The following MED1 variants were observed in gnomAD, a reference collection of about 807,000 sequenced individuals.
MED1 encodes the protein mediator of RNA polymerase II transcription subunit 1.
MED1 carries 17 observed loss-of-function variants against 121.3 expected under a neutral mutation model. That is an observed-to-expected ratio of 0.14 (90% CI 0.10 to 0.21). The LOEUF is 0.21. MED1 is among the 10% of genes least tolerant of loss of function. The pLI is 1.00. For missense variants in MED1, 1,558 were observed against 1,919.4 expected (o/e 0.81, Z 3.52); for synonymous variants, 661 against 694.4 (o/e 0.95, Z 0.76).
intron 9 of MED1, among the ~76,000 whole-genome samples, chr17:39,430,861 T>C (rs1051605009): frequency 9.3e-5 from 14 of 151,258 alleles, no homozygotes; most frequent in African/African-American, 3.4e-4. Flanking sequence ...CTACCAACAA[T>C]AGAATAAATT....
rs1031414649 is a variant in MED1 at position 39,404,380 on chromosome 17, C to A, written c.*3095G>T. ...TCCCACAACAGATTTCATCTACTTTCAAAAAAATGAAAAACCCCAAAGTAT... is the reference window on the plus strand; with the variant it reads ...TCCCACAACAGATTTCATCTACTTTAAAAAAAATGAAAAACCCCAAAGTAT... On this transcript the variant is annotated 3_prime_UTR_variant, in exon 17 of 17. Transcript: ENST00000300651. 2.0e-5 allele frequency: 3 copies of A among 151,940 alleles called. No individual in the cohort carries two copies. The highest frequency in any genetic ancestry group is 7.3e-5 in the African/African-American group (3 of 41,316). 9.4% of individuals were successfully genotyped at this position (151,940 alleles called of 1,614,324 possible). A position where few individuals can be genotyped will look rare whatever the true frequency, so the allele number is the denominator to read the frequency against.
At position 39,443,557 on chromosome 17, in the gene MED1, A is replaced by G; in HGVS notation, c.204T>C (p.Ala68=). The G allele has an allele frequency of 6.2e-7, 1 of 1,613,088 alleles. No individual in the cohort carries two copies. The highest frequency in any genetic ancestry group is 1.1e-5 in the South Asian group (1 of 91,060). ...LVSCLETLQK[A]LKVTSLPAMT... ...TCAAAAGTGTTCACAAACCTTTGAG[A>G]GCCTTCTGCAATGTCTCCAAACAGC... The change falls in exon 3 of 17, where the codon GCT becomes GCC. Residue 68 remains alanine (A), a synonymous_variant. Transcript: ENST00000300651.
At chr17:39,443,720 A>G (rs2048700398) in intron 2 of MED1, 92 bp from the exon 3 acceptor site, 1 of 1,007,696 alleles carries the variant, frequency 9.9e-7, no homozygotes, top group Middle Eastern at 2.1e-4. Context: ...GTAATATTGC[A>G]GGACAGTCTA....
intron 2 of MED1, among the ~76,000 whole-genome samples, chr17:39,444,485 G>A (rs1456190195): frequency 2.0e-5 from 3 of 149,222 alleles, no homozygotes; most frequent in African/African-American, 7.4e-5. Context: ...CCAGCCTGGC[G>A]ACAGAGAGAG....
In MED1 at chr17:39,410,266, T is replaced by G; in HGVS notation, c.1955A>C (p.Asn652Thr). 1.9e-6 allele frequency: 3 copies of G among 1,613,988 alleles called. No individual in the cohort carries two copies. Among genetic ancestry groups the G allele is most frequent in the Non-Finnish European group, 2.5e-6 (3 of 1,179,988 alleles). ...HPMLMNLLKD[N>T]PAQDFSTLYG... ...AAGGGTTGAGAAATCCTGGGCAGGA[T>G]TATCTTTAAGAAGGTTCATGAGCAT... The change falls in exon 17 of 17, where the codon AAT becomes ACT. Residue 652 changes from asparagine (N) to threonine (T), a missense_variant. Asn to Thr is a moderately conservative substitution (Grantham distance 65). Around this residue, in one of 5 missense-constraint regions of MED1, gnomAD observed 793 missense variants for 898.2 expected, o/e 0.88. Transcript: ENST00000300651.
Position 39,407,103 on chromosome 17 carries a change from G to A in MED1, c.*372C>T. On this transcript the variant is annotated 3_prime_UTR_variant, in exon 17 of 17. Coordinates refer to ENST00000300651, the MANE Select transcript of MED1 (RefSeq NM_004774.4). Reference sequence around the variant, plus strand: ...GCCCTTCATATACATGCACTAAAATGAGTTTAAAACATGGCCTAAAAATGG... The same window carrying A: ...GCCCTTCATATACATGCACTAAAATAAGTTTAAAACATGGCCTAAAAATGG... 1.0e-6 allele frequency: 1 copy of A among 1,000,448 alleles called. No individual in the cohort carries two copies. Among genetic ancestry groups the A allele is most frequent in the Non-Finnish European group, 1.2e-6 (1 of 839,744 alleles). The allele number at this position is 1,000,448 out of a possible 1,614,324, so 62.0% of individuals were successfully genotyped here. A position where few individuals can be genotyped will look rare whatever the true frequency, so the allele number is the denominator to read the frequency against.
rs746192082 is a variant in MED1 at position 39,409,418 on chromosome 17, AAAT to A, written c.2800_2802del (p.Ile934del). On this transcript the variant is annotated inframe_deletion, in exon 17 of 17. Coordinates refer to ENST00000300651, the MANE Select transcript of MED1 (RefSeq NM_004774.4). ...GGAGCTAAAGCTTTGCCGGCTACTG[AAAT>A]AATACTGAAATCAACTGTGTCGGCT... 6 of 1,614,154 alleles carry A rather than the reference AAAT, an allele frequency of 3.7e-6. 1 individual carries two copies. The Admixed American group carries it at 1.0e-4, about 27-fold the overall frequency.
intron 6 of MED1, among the ~76,000 whole-genome samples, chr17:39,435,735 G>A (rs543530726): frequency 4.0e-4 from 60 of 151,682 alleles, no homozygotes; most frequent in African/African-American, 9.7e-4. Context: ...TCACTCTGTC[G>A]TCCAGGCTGG....
At chr17:39,442,762 G>A (rs1356996990) in intron 3 of MED1, among the ~76,000 whole-genome samples, 11 of 146,812 alleles carry the variant, frequency 7.5e-5, no homozygotes, top group African/African-American at 2.0e-4. Context: ...AAAATTACCC[G>A]GGCATGGTGG....
intron 14 of MED1, 135 bp downstream of exon 14, chr17:39,419,582 G>A: frequency 2.4e-6 from 2 of 823,656 alleles, no homozygotes; most frequent in Non-Finnish European, 1.9e-6. Flanking sequence ...TAATTTGCTT[G>A]ATTTTTATGC....
At chr17:39,445,248 C>T (rs575494302) in intron 2 of MED1, among the ~76,000 whole-genome samples, 11 of 151,538 alleles carry the variant, frequency 7.3e-5, no homozygotes, top group East Asian at 1.9e-4. Flanking sequence ...AGTCTCGCTC[C>T]GATGCCCAGA....
At chr17:39,420,776 C>T (rs1285263388) in intron 13 of MED1, among the ~76,000 whole-genome samples, 1 of 147,328 alleles carries the variant, frequency 6.8e-6, no homozygotes, top group Non-Finnish European at 1.5e-5. Context: ...CAGGCATGAA[C>T]AACCACATGT....
At chr17:39,425,739 T>C (rs1004454235) in intron 10 of MED1, among the ~76,000 whole-genome samples, 18 of 151,148 alleles carry the variant, frequency 1.2e-4, no homozygotes, top group Admixed American at 3.3e-4. Context: ...GGGGCGGAGG[T>C]TGCAGTGAGC....
intron 9 of MED1, among the ~76,000 whole-genome samples, chr17:39,428,026 G>C (rs1597864299): frequency 1.3e-5 from 2 of 152,036 alleles, no homozygotes; most frequent in African/African-American, 4.8e-5. Flanking sequence ...AGACTAGCAT[G>C]GTCAACACAG....
Position 39,405,114 on chromosome 17 carries a change from C to G in MED1, c.*2361G>C. The G allele has an allele frequency of 7.9e-7, 1 of 1,270,200 alleles. No homozygotes were observed. The highest frequency in any genetic ancestry group is 1.5e-5 in the African/African-American group (1 of 66,298). The allele number at this position is 1,270,200 out of a possible 1,614,324, so 78.7% of individuals were successfully genotyped here. A position where few individuals can be genotyped will look rare whatever the true frequency, so the allele number is the denominator to read the frequency against. ...ACACCTAGACAGGAGGGAGGTGTCC[C>G]AGGCTTGGTTTATTCTGCCTCTTCT... On this transcript the variant is annotated 3_prime_UTR_variant, in exon 17 of 17. Coordinates refer to ENST00000300651, the MANE Select transcript of MED1 (RefSeq NM_004774.4).
At chr17:39,444,942 TTCTC>T (rs1305266846) in intron 2 of MED1, among the ~76,000 whole-genome samples, 1 of 152,090 alleles carries the variant, frequency 6.6e-6, no homozygotes, top group Non-Finnish European at 1.5e-5. Context: ...GTGAAGAAGT[TTCTC>T]TCTGAAAAAC....
chr17:39,429,523 C>A (rs1567647548), intron 9 of MED1, among the ~76,000 whole-genome samples: 1 of 151,508 alleles, frequency 6.6e-6, no homozygotes, highest in African/African-American at 2.4e-5. Flanking sequence ...TGGTGAAACC[C>A]TGTCTCTGGT....
intron 14 of MED1, among the ~76,000 whole-genome samples, chr17:39,419,209 C>T (rs1383751451): frequency 2.0e-5 from 3 of 151,904 alleles, no homozygotes; most frequent in Admixed American, 6.6e-5. Context: ...CTCAGGATCC[C>T]GAGTAGCTGG....
Position 39,410,004 on chromosome 17 carries a change from A to G in MED1, c.2217T>C (p.Thr739=). The G allele has an allele frequency of 6.2e-7, 1 of 1,614,032 alleles. No homozygotes were observed. Among genetic ancestry groups the G allele is most frequent in the Non-Finnish European group, 8.5e-7 (1 of 1,180,004 alleles). The change falls in exon 17 of 17, where the codon ACT becomes ACC. Residue 739 remains threonine (T), a synonymous_variant. Transcript: ENST00000300651. ...GAGTGCTACACTGGCTTGGAGCTGG[A>G]GTGATGTGTGGCGTATCCAGCGTGT... ...TADTLDTPHI[T]PAPSQCSTPP...
Sources: allele counts gnomAD v4.1 joint callset (sites outside exome capture counted in the v4.1 genomes callset), GRCh38; gene constraint gnomAD v4.1.1; regional missense constraint gnomAD v4.1.1; transcripts MANE v1.5; gene names NCBI Gene and HGNC (gene_info 2026-07-23, HGNC 2026-07-21).